MFHAS1: variants seen among roughly 807,000 people sequenced by gnomAD.
The protein encoded by MFHAS1 is malignant fibrous histiocytoma-amplified sequence 1.
Under a neutral mutation model 70.4 loss-of-function variants are expected in MFHAS1, and 50 were observed. The observed-to-expected ratio is 0.71, with a 90% CI of 0.57 to 0.90. The LOEUF (loss-of-function observed/expected upper bound fraction) is 0.90. Among genes scored for constraint, MFHAS1 ranks in the 40% least tolerant of loss-of-function variants. The probability of loss-of-function intolerance (pLI) is 0.00; values close to 1 mark genes in which losing one functional copy is unlikely to be tolerated. For synonymous variants in MFHAS1, 952 were observed against 620.0 expected (o/e 1.54, Z -7.96); for missense variants, 1,795 against 1,347.6 (o/e 1.33, Z -5.20).
chr8:8,865,914 A>T (rs999564880), intron 1 of MFHAS1, among the ~76,000 whole-genome samples: 1 of 152,192 alleles, frequency 6.6e-6, no homozygotes, highest in Non-Finnish European at 1.5e-5. Context: ...CAGCTACAGA[A>T]TGACTGTCCT....
At chr8:8,831,901 C>T (rs575677152) in intron 1 of MFHAS1, among the ~76,000 whole-genome samples, 6 of 152,238 alleles carry the variant, frequency 3.9e-5, no homozygotes, top group East Asian at 1.9e-4. Flanking sequence ...TGTGAGCTAC[C>T]GCCCCCAGCC....
intron 2 of MFHAS1, among the ~76,000 whole-genome samples, chr8:8,792,107 A>T (rs1805737554): frequency 6.6e-6 from 1 of 152,300 alleles, no homozygotes; most frequent in South Asian, 2.1e-4. Context: ...GCATGGTGGC[A>T]TGTACCTGTA....
intron 1 of MFHAS1, among the ~76,000 whole-genome samples, chr8:8,826,256 GT>G (rs1807157655): frequency 1.3e-5 from 2 of 151,430 alleles, no homozygotes; most frequent in Non-Finnish European, 2.9e-5. Context: ...GAGTGTGTGT[GT>G]GTGTGTGTGT....
chr8:8,789,136 T>TG (rs937416825), intron 2 of MFHAS1, among the ~76,000 whole-genome samples: 10 of 146,476 alleles, frequency 6.8e-5, no homozygotes, highest in Non-Finnish European at 1.1e-4. Context: ...AAGTGGTGGC[T>TG]GGGGGGGTTG....
intron 1 of MFHAS1, among the ~76,000 whole-genome samples, chr8:8,798,047 G>C (rs1805969719): frequency 1.3e-5 from 2 of 152,204 alleles, no homozygotes; most frequent in Admixed American, 1.3e-4. Context: ...GTGTGAAGCA[G>C]ATGCACGACA....
intron 1 of MFHAS1, among the ~76,000 whole-genome samples, chr8:8,863,054 T>A (rs1346405599): frequency 6.6e-6 from 1 of 152,242 alleles, no homozygotes; most frequent in African/African-American, 2.4e-5. Context: ...AAGGTTCATT[T>A]TTATTAATAC....
intron 1 of MFHAS1, among the ~76,000 whole-genome samples, chr8:8,836,802 G>A (rs1807613149): frequency 6.6e-6 from 1 of 151,968 alleles, no homozygotes; most frequent in Non-Finnish European, 1.5e-5. Context: ...TGCACACAGG[G>A]GTCTAAAAAT....
intron 1 of MFHAS1, among the ~76,000 whole-genome samples, chr8:8,860,460 G>C (rs1036900789): frequency 2.6e-5 from 4 of 152,210 alleles, no homozygotes; most frequent in Admixed American, 6.5e-5. Context: ...TTGCTGGCAT[G>C]CATCTCTACT....
chr8:8,863,809 A>C (rs1056094805), intron 1 of MFHAS1, among the ~76,000 whole-genome samples: 22 of 152,042 alleles, frequency 1.4e-4, no homozygotes, highest in Non-Finnish European at 8.8e-5. Flanking sequence ...AAATTGACCC[A>C]CCCTGTCTTA....
At chr8:8,823,019 G>C (rs145198169) in intron 1 of MFHAS1, among the ~76,000 whole-genome samples, 1 of 152,102 alleles carries the variant, frequency 6.6e-6, no homozygotes, top group South Asian at 2.1e-4. Context: ...ACAGAAGACC[G>C]GGAAGGAGAG....
chr8:8,844,899 A>G (rs1456839950), intron 1 of MFHAS1, among the ~76,000 whole-genome samples: 1 of 152,278 alleles, frequency 6.6e-6, no homozygotes, highest in South Asian at 2.1e-4. Flanking sequence ...TTGTTGCTGT[A>G]TTTTCAAGAA....
chr8:8,876,179 G>A (rs1327601247), intron 1 of MFHAS1, among the ~76,000 whole-genome samples: 1 of 152,160 alleles, frequency 6.6e-6, no homozygotes, highest in Non-Finnish European at 1.5e-5. Flanking sequence ...ACATAACTAA[G>A]AAGCAGTGGC....
At position 8,872,945 on chromosome 8, in the gene MFHAS1, G is replaced by C. The variant is rs76798226; in HGVS notation, c.2998+17116C>G. Among the ~76,000 whole-genome samples, 1,386 of 152,300 alleles carry C rather than the reference G, an allele frequency of 9.1e-3. 12 individuals are homozygous for C. Among genetic ancestry groups the C allele is most frequent in the Non-Finnish European group, 0.014 (936 of 68,018 alleles). ...AGACAGGCAGCAGAACATCGTGCAA[G>C]AGTGAGACGGAGACAACCGGGCAGT... On this transcript the variant is annotated intron_variant, in intron 1 of 2. Transcript: ENST00000276282.
At chr8:8,871,240 C>T (rs1161225240) in intron 1 of MFHAS1, among the ~76,000 whole-genome samples, 1 of 152,126 alleles carries the variant, frequency 6.6e-6, no homozygotes, top group African/African-American at 2.4e-5. Flanking sequence ...GTTTACTGAG[C>T]CCTTATTATA....
At chr8:8,849,507 T>A (rs558508539) in intron 1 of MFHAS1, among the ~76,000 whole-genome samples, 1 of 152,218 alleles carries the variant, frequency 6.6e-6, no homozygotes. Flanking sequence ...GTGTGTGTAT[T>A]CTGTGTCAGT....
chr8:8,880,581 T>G (rs897754366), intron 1 of MFHAS1, among the ~76,000 whole-genome samples: 1 of 152,070 alleles, frequency 6.6e-6, no homozygotes. Context: ...CTCGCCCTTC[T>G]CCCAAGCATG....
rs1428359702 is a variant in MFHAS1 at position 8,891,745 on chromosome 8, T to C, written c.1314A>G (p.Pro438=). The part of the protein sequence containing the change: ...CLTEERVEGC[P]GGGDKEKCYP... The stretch of plus-strand genomic sequence containing the variant: ...AGCACTTCTCCTTGTCCCCTCCTCC[T>C]GGGCATCCCTCCACTCTCTCCTCGG... Residue 438 remains proline (P), a synonymous_variant, in exon 1 of 3, where the codon CCA becomes CCG. Coordinates refer to ENST00000276282, the MANE Select transcript of MFHAS1 (RefSeq NM_004225.3). This position sits in a 1 kb window ranked among gnomAD's most constrained non-coding sequence, Gnocchi z 5.4. The C allele has an allele frequency of 1.2e-6, 2 of 1,613,412 alleles. No individual in the cohort carries two copies. Among genetic ancestry groups the C allele is most frequent in the Non-Finnish European group, 1.7e-6 (2 of 1,180,028 alleles).
chr8:8,805,711 T>C (rs1289585673), intron 1 of MFHAS1, among the ~76,000 whole-genome samples: 1 of 152,180 alleles, frequency 6.6e-6, no homozygotes, highest in African/African-American at 2.4e-5. Flanking sequence ...TTTGCTTTCT[T>C]TTTTGAGACA....
intron 1 of MFHAS1, among the ~76,000 whole-genome samples, chr8:8,869,803 G>A (rs1325213276): frequency 1.3e-5 from 2 of 152,168 alleles, no homozygotes; most frequent in Non-Finnish European, 2.9e-5. Context: ...CGGAGCCTGG[G>A]AAGGTTCAAG....
Sources: gnomAD v4.1 joint callset for allele counts (sites outside exome capture counted in the v4.1 genomes callset) on GRCh38, gnomAD v4.1.1 for gene constraint, Gnocchi (gnomAD v3.1) non-coding constraint, MANE v1.5 for transcripts, NCBI Gene and HGNC (gene_info 2026-07-23, HGNC 2026-07-21) for gene names.